The following MCTP2 variants were observed in gnomAD, a reference collection of about 807,000 sequenced individuals.
MCTP2 encodes multiple C2 and transmembrane domain-containing protein 2.
In MCTP2, 132 loss-of-function variants were observed where a neutral mutation model predicts 111.6. The observed-to-expected ratio is 1.18, with a 90% confidence interval of 1.03 to 1.37. MCTP2 has a LOEUF of 1.37. Among genes scored for constraint, MCTP2 ranks in the 40% most tolerant of loss-of-function variants. The pLI is 0.00. For missense variants in MCTP2, 1,183 were observed against 1,067.9 expected, an observed-to-expected ratio of 1.11 and a Z score of -1.50; for synonymous variants, 395 against 387.7, an observed-to-expected ratio of 1.02 and a Z score of -0.22.
intron 17 of MCTP2, among the ~76,000 whole-genome samples, chr15:94,436,670 A>AT (rs1391252173): frequency 6.6e-6 from 1 of 152,140 alleles, no homozygotes; most frequent in Admixed American, 6.5e-5. Flanking sequence ...TGTTCAAGTA[A>AT]TTTTTTCAAA....
chr15:94,358,326 C>T (rs933687110), intron 9 of MCTP2, among the ~76,000 whole-genome samples, 156 bp from the exon 10 acceptor site: 13 of 152,134 alleles, frequency 8.5e-5, no homozygotes, highest in African/African-American at 3.1e-4. Context: ...TTGAACCCAC[C>T]AAGTCCCTTT....
intron 5 of MCTP2, 75 bp downstream of exon 5, chr15:94,339,507 G>T (rs561321251): frequency 2.9e-5 from 36 of 1,239,548 alleles, no homozygotes; most frequent in Middle Eastern, 4.2e-4. Flanking sequence ...CCTCTTAGAC[G>T]TGAACTTGCC....
chr15:94,339,534 T>C, intron 5 of MCTP2, 102 bp downstream of exon 5: 3 of 820,588 alleles, frequency 3.7e-6, no homozygotes, highest in Non-Finnish European at 5.3e-6. Context: ...AATTCTTTTA[T>C]TAGGACAGAT....
At position 94,314,332 on chromosome 15, in the gene MCTP2, T is replaced by G; in HGVS notation, c.516T>G (p.Phe172Leu). The change falls in exon 3 of 23, where the codon TTT (phenylalanine) becomes TTG (leucine). Residue 172 changes from phenylalanine (F) to leucine (L), a missense_variant. Transcript: ENST00000357742. The part of the protein sequence containing the change: ...DLNASMTSQH[F>L]EEQSVPGEAS... ...ATGCTTCTATGACATCTCAACATTT[T>G]GAAGAACAATCTGTGAGTGGCATTC... The G allele has an allele frequency of 6.2e-7, 1 of 1,606,352 alleles. No individual in the cohort carries two copies. The highest frequency in any genetic ancestry group is 8.5e-7 in the Non-Finnish European group (1 of 1,175,554).
intron 1 of MCTP2, among the ~76,000 whole-genome samples, chr15:94,293,724 G>A (rs2075132472): frequency 6.6e-6 from 1 of 152,224 alleles, no homozygotes; most frequent in Non-Finnish European, 1.5e-5. Flanking sequence ...TAAGTCCTCA[G>A]TAGGATATAG....
intron 14 of MCTP2, among the ~76,000 whole-genome samples, chr15:94,393,295 A>G (rs919082504): frequency 2.6e-5 from 4 of 152,230 alleles, no homozygotes; most frequent in African/African-American, 9.6e-5. Flanking sequence ...ATGTGAAGAA[A>G]TTCTAGGACT....
At chr15:94,310,225 T>G (rs887652688) in intron 2 of MCTP2, among the ~76,000 whole-genome samples, 1 of 152,200 alleles carries the variant, frequency 6.6e-6, no homozygotes, top group African/African-American at 2.4e-5. Context: ...ATTTAAATAC[T>G]GTATGATTCC....
At chr15:94,269,366 G>T (rs1438274837) in intron 1 of MCTP2, among the ~76,000 whole-genome samples, 1 of 152,196 alleles carries the variant, frequency 6.6e-6, no homozygotes, top group Admixed American at 6.5e-5. Context: ...GGCTTTAGGT[G>T]TAAGAATAAT....
intron 21 of MCTP2, 35 bp from the exon 22 acceptor site, chr15:94,476,637 TAGATAGATAGATAGACAGACAGAC>T: frequency 1.2e-6 from 1 of 868,920 alleles, no homozygotes; most frequent in Non-Finnish European, 1.9e-6. Flanking sequence ...GATAGATAGA[TAGATAGATAGATAGACAGACAGAC>T]AGATAAAGAG....
At position 94,379,055 on chromosome 15, in the gene MCTP2, AGTTTTTT is replaced by A. The variant is rs1256638453; in HGVS notation, c.1583-4952_1583-4946del. Among the ~76,000 whole-genome samples, 10 of 149,938 alleles carry A rather than the reference AGTTTTTT, an allele frequency of 6.7e-5. 1 individual carries two copies. In the South Asian group the frequency reaches 1.3e-3, roughly 19 times the overall value. ...AAGGTTAAACTAGGCCTGAGAAGTT[AGTTTTTT>A]GTTTTTTGTTTTTTTTTTTAATGTT... On this transcript the variant is annotated intron_variant, in intron 12 of 22. Transcript: ENST00000357742.
intron 4 of MCTP2, among the ~76,000 whole-genome samples, chr15:94,335,745 T>TA (rs1284467015): frequency 6.6e-6 from 1 of 152,180 alleles, no homozygotes; most frequent in Non-Finnish European, 1.5e-5. Flanking sequence ...GCAATGAAAA[T>TA]ATATTCAGTT....
At chr15:94,262,237 A>T (rs1480094650) in intron 1 of MCTP2, among the ~76,000 whole-genome samples, 1 of 152,200 alleles carries the variant, frequency 6.6e-6, no homozygotes, top group African/African-American at 2.4e-5. Context: ...ATAACATTTC[A>T]TGATGCCTTT....
At chr15:94,305,918 C>G (rs528298520) in intron 2 of MCTP2, among the ~76,000 whole-genome samples, 1 of 152,174 alleles carries the variant, frequency 6.6e-6, no homozygotes, top group South Asian at 2.1e-4. Flanking sequence ...CTCCTCTAGT[C>G]AGCACTCTCC....
At chr15:94,298,176 TTTG>T in intron 1 of MCTP2, 22 bp from the exon 2 acceptor site, 1 of 994,384 alleles carries the variant, frequency 1.0e-6, no homozygotes. Context: ...TTGTTTGTTT[TTTG>T]TTGTTTTTTT....
chr15:94,317,163 G>T (rs1002390565), intron 4 of MCTP2, among the ~76,000 whole-genome samples: 1 of 151,968 alleles, frequency 6.6e-6, no homozygotes, highest in African/African-American at 2.4e-5. Flanking sequence ...TATCCTGCTT[G>T]CTGCTCTATT....
At chr15:94,321,797 C>T (rs114652141) in intron 4 of MCTP2, among the ~76,000 whole-genome samples, 54 of 152,302 alleles carry the variant, frequency 3.5e-4, no homozygotes, top group African/African-American at 1.1e-3. Flanking sequence ...TACTGTTGAC[C>T]AGAAGCCTTA....
At chr15:94,239,008 GAAAA>G (rs539868505) in intron 1 of MCTP2, among the ~76,000 whole-genome samples, 1 of 99,744 alleles carries the variant, frequency 1.0e-5, no homozygotes. Context: ...AGTTGACCGT[GAAAA>G]AAAAAAAAAA....
rs200248117 is a variant in MCTP2 at position 94,244,045 on chromosome 15, CAT to C, written c.-66+12384_-66+12385del. On this transcript the variant is annotated intron_variant, in intron 1 of 22. Transcript: ENST00000357742. ...CATACGTATGTGTATATATTGCACA[CAT>C]ATGTATACACATACATATGTGTATA... 1.5e-3 allele frequency among the ~76,000 whole-genome samples: 218 copies of C among 145,504 alleles called. 1 individual carries two copies. In the East Asian group the frequency reaches 0.024, roughly 16 times the overall value.
Position 94,345,165 on chromosome 15 carries a change from G to A in MCTP2, c.1005+1G>A, listed in dbSNP as rs769147908. 3 of 1,611,628 alleles carry A rather than the reference G, an allele frequency of 1.9e-6. No homozygotes were observed. The South Asian group carries it at 3.3e-5, about 18-fold the overall frequency. The stretch of plus-strand genomic sequence containing the variant: ...TCGGAAGCGATTAAGTGCCAGCAAG[G>A]TAAATATACTTTTTTTTCCTTTAGA... On this transcript the variant is annotated splice_donor_variant, in intron 8 of 22. Coordinates refer to ENST00000357742, the MANE Select transcript of MCTP2 (RefSeq NM_001385001.1). LOFTEE classifies it high-confidence loss of function.
Sources: allele counts gnomAD v4.1 joint callset (sites outside exome capture counted in the v4.1 genomes callset), GRCh38; gene constraint gnomAD v4.1.1; transcripts MANE v1.5; gene names NCBI Gene and HGNC (gene_info 2026-07-23, HGNC 2026-07-21).